The following EDAR variants were observed in gnomAD, a reference collection of about 807,000 sequenced individuals.
EDAR encodes tumor necrosis factor receptor superfamily member EDAR.
EDAR carries 38 observed loss-of-function variants against 51.3 expected under a neutral mutation model. The ratio of observed to expected loss-of-function variants is 0.74; its 90% confidence interval spans 0.57 to 0.97. The LOEUF (loss-of-function observed/expected upper bound fraction) is 0.97, where lower values mean the gene tolerates loss of function less well. EDAR is among the 50% of genes least tolerant of loss of function. The pLI, the probability that EDAR is intolerant of heterozygous loss-of-function variation, is 0.00. For missense variants in EDAR, 528 were observed against 595.0 expected (o/e 0.89, Z 1.17); for synonymous variants, 227 against 242.1 (o/e 0.94, Z 0.58).
chr2:108,894,633 T>G lies in EDAR; in HGVS notation c.*2274A>C, dbSNP rs571924199. On this transcript the variant is annotated 3_prime_UTR_variant, in exon 12 of 12. Transcript: ENST00000258443. Reference sequence around the variant, plus strand: ...AAAGTATTGCAGAATTATGAATATCTCCACACAAAAATGGCAGGATGGAGT... The same window carrying G: ...AAAGTATTGCAGAATTATGAATATCGCCACACAAAAATGGCAGGATGGAGT... 6 of 152,756 alleles carry G rather than the reference T, an allele frequency of 3.9e-5. No individual in the cohort carries two copies. In the South Asian group the frequency reaches 1.2e-3, roughly 32 times the overall value. 9.5% of individuals were successfully genotyped at this position (152,756 alleles called of 1,614,324 possible).
chr2:108,946,898 T>TG (rs1162674852), intron 1 of EDAR, among the ~76,000 whole-genome samples: 2 of 151,876 alleles, frequency 1.3e-5, no homozygotes, highest in Admixed American at 6.6e-5. Context: ...AATCTCATCT[T>TG]TTTTTTCACA....
At chr2:108,910,655 G>T in intron 8 of EDAR, 121 bp downstream of exon 8, 1 of 1,416,860 alleles carries the variant, frequency 7.1e-7, no homozygotes, top group Non-Finnish European at 9.9e-7. Context: ...ACCACCCCAC[G>T]GTAAGCACAG....
intron 1 of EDAR, among the ~76,000 whole-genome samples, chr2:108,988,033 G>A (rs988225338): frequency 1.3e-5 from 2 of 152,210 alleles, no homozygotes; most frequent in Non-Finnish European, 2.9e-5. Flanking sequence ...GAGCCACAGA[G>A]CAGTGGCCTG....
At chr2:108,960,153 C>G (rs2104399898) in intron 1 of EDAR, among the ~76,000 whole-genome samples, 1 of 152,252 alleles carries the variant, frequency 6.6e-6, no homozygotes, top group African/African-American at 2.4e-5. Context: ...GGTGGGGATC[C>G]CAGCCCTGGC....
chr2:108,988,341 C>G (rs1297393827), intron 1 of EDAR, among the ~76,000 whole-genome samples: 7 of 152,190 alleles, frequency 4.6e-5, no homozygotes, highest in African/African-American at 1.4e-4. Flanking sequence ...TCTAGGAGCC[C>G]AACCCACCCC....
chr2:108,929,257 G>A lies in EDAR; in HGVS notation c.297C>T (p.Ala99=), dbSNP rs375633196. 4.3e-6 allele frequency: 7 copies of A among 1,614,080 alleles called. No homozygotes were observed. Among genetic ancestry groups the A allele is most frequent in the African/African-American group, 1.3e-5 (1 of 74,936 alleles). Residue 99 remains alanine (A), a synonymous_variant, in exon 4 of 12, where the codon GCC becomes GCT. Transcript: ENST00000258443. The part of the protein sequence containing the change: ...RHKDCEGFFR[A]TVLTPGDMEN... ...CCATGTCCCCTGGTGTCAGCACGGT[G>A]GCCCGGAAGAAGCCCTCACAGTCTT...
At chr2:108,959,665 T>C (rs1003773676) in intron 1 of EDAR, among the ~76,000 whole-genome samples, 1 of 152,156 alleles carries the variant, frequency 6.6e-6, no homozygotes, top group Non-Finnish European at 1.5e-5. Flanking sequence ...GACTCAGCTC[T>C]GGATGCCCGG....
chr2:108,961,209 C>T (rs1698033545), intron 1 of EDAR, among the ~76,000 whole-genome samples: 1 of 151,780 alleles, frequency 6.6e-6, no homozygotes, highest in Admixed American at 6.5e-5. Context: ...AGAAGACTGA[C>T]CATAATTTTT....
chr2:108,954,232 G>A (rs1697878658), intron 1 of EDAR, among the ~76,000 whole-genome samples: 1 of 152,158 alleles, frequency 6.6e-6, no homozygotes, highest in Admixed American at 6.5e-5. Flanking sequence ...TAGAACTGGA[G>A]ATCCTGTTCC....
chr2:108,922,548 C>T (rs761401778), intron 5 of EDAR, among the ~76,000 whole-genome samples: 6 of 152,142 alleles, frequency 3.9e-5, no homozygotes, highest in African/African-American at 9.7e-5. Context: ...TTCTTTCCAG[C>T]GTGATAAGAC....
chr2:108,954,283 T>C (rs1482744435), intron 1 of EDAR, among the ~76,000 whole-genome samples: 1 of 152,212 alleles, frequency 6.6e-6, no homozygotes, highest in Non-Finnish European at 1.5e-5. Flanking sequence ...CAGATAGCTA[T>C]ACATCAAGAC....
rs189074096 is a variant in EDAR, at chr2:108,931,417, C to T, written c.-18-385G>A. On this transcript the variant is annotated intron_variant, in intron 1 of 11. Coordinates refer to ENST00000258443, the MANE Select transcript of EDAR (RefSeq NM_022336.4). ...CTGGGCTCCAGGACTTAGGAGGACC[C>T]CTGGAGAGACTGCCAGGAATTAGAT... 2.2e-3 allele frequency among the ~76,000 whole-genome samples: 333 copies of T among 152,348 alleles called. 2 individuals are homozygous for T. Among genetic ancestry groups the T allele is most frequent in the African/African-American group, 7.9e-3 (327 of 41,588 alleles).
intron 1 of EDAR, among the ~76,000 whole-genome samples, chr2:108,986,490 G>A (rs1474371093): frequency 6.6e-6 from 1 of 152,152 alleles, no homozygotes; most frequent in Non-Finnish European, 1.5e-5. Context: ...GAGGACACAG[G>A]TTCTAGTCTC....
At chr2:108,977,583 T>G (rs780385509) in intron 1 of EDAR, among the ~76,000 whole-genome samples, 1 of 152,164 alleles carries the variant, frequency 6.6e-6, no homozygotes, top group Non-Finnish European at 1.5e-5. Flanking sequence ...AGCTCGCCTT[T>G]TTTGAGTGTT....
chr2:108,936,218 T>C (rs1397196395), intron 1 of EDAR, among the ~76,000 whole-genome samples: 1 of 152,250 alleles, frequency 6.6e-6, no homozygotes, highest in Non-Finnish European at 1.5e-5. Flanking sequence ...CAGGTGGCTG[T>C]GGGAAGCCTT....
intron 4 of EDAR, among the ~76,000 whole-genome samples, chr2:108,924,732 A>G (rs1373460010): frequency 6.6e-6 from 1 of 152,122 alleles, no homozygotes; most frequent in Non-Finnish European, 1.5e-5. Flanking sequence ...TCTTGTAAAC[A>G]TTAATTAACC....
chr2:108,929,412 G>C (rs1697323648), intron 3 of EDAR, 33 bp from the exon 4 acceptor site: 2 of 1,609,936 alleles, frequency 1.2e-6, no homozygotes, highest in Non-Finnish European at 1.7e-6. Flanking sequence ...GGACACAGGT[G>C]AGTGCAGCAG....
chr2:108,979,740 C>A (rs1161756932), intron 1 of EDAR, among the ~76,000 whole-genome samples: 2 of 152,146 alleles, frequency 1.3e-5, no homozygotes, highest in Non-Finnish European at 1.5e-5. Context: ...CAGTAGCCAA[C>A]AGAGGAGGAG....
intron 1 of EDAR, among the ~76,000 whole-genome samples, chr2:108,950,713 G>A (rs937416332): frequency 2.0e-5 from 3 of 152,200 alleles, no homozygotes; most frequent in African/African-American, 4.8e-5. Context: ...CTCCCTTCAT[G>A]AGTCCAGTTC....
Sources: allele counts gnomAD v4.1 joint callset (sites outside exome capture counted in the v4.1 genomes callset), GRCh38; gene constraint gnomAD v4.1.1; transcripts MANE v1.5; gene names NCBI Gene and HGNC (gene_info 2026-07-23, HGNC 2026-07-21).